Variants in PLCB4 observed in about 807,000 individuals in gnomAD.
PLCB4 encodes the protein phospholipase C beta 4.
A neutral mutation model predicts 178.8 loss-of-function variants in PLCB4; 77 were observed. That is an observed-to-expected ratio of 0.43 (90% CI 0.36 to 0.52). PLCB4 has a LOEUF of 0.52. PLCB4 is among the 20% of genes least tolerant of loss of function. The pLI is 0.00. For missense variants in PLCB4, 1,024 were observed against 1,453.4 expected (o/e 0.70, Z 4.80); for synonymous variants, 496 against 490.8 (o/e 1.01, Z -0.14).
At chr20:9,228,829 T>C (rs573292931) in intron 3 of PLCB4, among the ~76,000 whole-genome samples, 1 of 152,204 alleles carries the variant, frequency 6.6e-6, no homozygotes, top group African/African-American at 2.4e-5. Context: ...GCCATCTTCA[T>C]GGGTAGAGAA....
chr20:9,182,458 C>G (rs191967599), intron 2 of PLCB4, among the ~76,000 whole-genome samples: 1 of 152,256 alleles, frequency 6.6e-6, no homozygotes, highest in African/African-American at 2.4e-5. Flanking sequence ...GCTCAATCAT[C>G]GCTAGGCCTA....
At chr20:9,163,911 C>T (rs2146995420) in intron 2 of PLCB4, among the ~76,000 whole-genome samples, 1 of 152,154 alleles carries the variant, frequency 6.6e-6, no homozygotes, top group South Asian at 2.1e-4. Context: ...GATGAACCAC[C>T]TGCTTATTAG....
At position 9,360,464 on chromosome 20, in the gene PLCB4, G is replaced by A. The variant is rs73246643; in HGVS notation, c.370-2432G>A. On this transcript the variant is annotated intron_variant, in intron 7 of 39. Coordinates refer to ENST00000378473, the MANE Select transcript of PLCB4 (RefSeq NM_001377142.1). The stretch of plus-strand genomic sequence containing the variant: ...AGAAAAAGCCCAGTGAACAGTCTCA[G>A]AAATTGTCCACTTTTTTTTTTTTTG... Among the ~76,000 whole-genome samples the A allele has an allele frequency of 1.9e-3, 290 of 151,648 alleles. 1 individual carries two copies. The highest frequency in any genetic ancestry group is 6.7e-3 in the African/African-American group (279 of 41,362).
At chr20:9,434,449 C>G (rs1246079517) in intron 28 of PLCB4, among the ~76,000 whole-genome samples, 1 of 152,158 alleles carries the variant, frequency 6.6e-6, no homozygotes, top group Admixed American at 6.5e-5. Context: ...GATCTCTGCT[C>G]ACTGCAACCT....
At chr20:9,297,979 C>G (rs924361729) in intron 3 of PLCB4, among the ~76,000 whole-genome samples, 1 of 152,068 alleles carries the variant, frequency 6.6e-6, no homozygotes, top group Non-Finnish European at 1.5e-5. Context: ...ATTGCCAGGG[C>G]TCAGAACACA....
intron 4 of PLCB4, among the ~76,000 whole-genome samples, chr20:9,313,167 ATACT>A (rs1381985418): frequency 3.9e-5 from 6 of 152,350 alleles, no homozygotes; most frequent in South Asian, 2.1e-4. Context: ...ACACTAAAAG[ATACT>A]TACAGTCATC....
intron 5 of PLCB4, 77 bp downstream of exon 5, chr20:9,337,283 T>C: frequency 3.2e-6 from 3 of 950,616 alleles, no homozygotes; most frequent in Non-Finnish European, 5.2e-6. Context: ...GTAGACTGAG[T>C]GCTGTTGATG....
intron 3 of PLCB4, among the ~76,000 whole-genome samples, chr20:9,234,189 G>C (rs1377266143): frequency 6.6e-6 from 1 of 152,224 alleles, no homozygotes; most frequent in African/African-American, 2.4e-5. Context: ...TACTGAGATG[G>C]AAAAGACTAG....
chr20:9,321,080 A>G (rs1447217476), intron 4 of PLCB4, among the ~76,000 whole-genome samples: 1 of 152,228 alleles, frequency 6.6e-6, no homozygotes, highest in Non-Finnish European at 1.5e-5. Context: ...ACTGTTGAAT[A>G]AAAGAGACTT....
At chr20:9,217,839 G>A (rs760409475) in intron 3 of PLCB4, among the ~76,000 whole-genome samples, 5 of 152,154 alleles carry the variant, frequency 3.3e-5, no homozygotes, top group Admixed American at 1.3e-4. Flanking sequence ...TCCCACTGAT[G>A]TGAAAAATCA....
chr20:9,091,283 A>G (rs934412850), intron 1 of PLCB4, among the ~76,000 whole-genome samples: 30 of 152,092 alleles, frequency 2.0e-4, no homozygotes, highest in African/African-American at 6.5e-4. Context: ...AAAATGAGCT[A>G]GAGAAAGTCA....
chr20:9,444,044 A>G lies in PLCB4; in HGVS notation c.2814+14A>G. On this transcript the variant is annotated intron_variant, in intron 31 of 39. Coordinates refer to ENST00000378473, the MANE Select transcript of PLCB4 (RefSeq NM_001377142.1). The stretch of plus-strand genomic sequence containing the variant: ...AAGCAGATGAAGGTAAAATTGCTTG[A>G]CTATTTTGCAAGCACTCTTGTATTA... The G allele has an allele frequency of 1.9e-6, 3 of 1,585,218 alleles. No individual in the cohort carries two copies. Among genetic ancestry groups the G allele is most frequent in the Non-Finnish European group, 2.6e-6 (3 of 1,156,908 alleles).
At chr20:9,212,144 C>T (rs1380044133) in intron 2 of PLCB4, among the ~76,000 whole-genome samples, 2 of 152,196 alleles carry the variant, frequency 1.3e-5, no homozygotes, top group South Asian at 2.1e-4. Context: ...AGTGCTTGTG[C>T]TTTGGGGCCT....
intron 25 of PLCB4, among the ~76,000 whole-genome samples, chr20:9,413,897 G>T (rs1010065645): frequency 5.9e-5 from 9 of 152,000 alleles, no homozygotes; most frequent in Admixed American, 5.9e-4. Context: ...AATAGCTAGG[G>T]GTGCCCACCA....
chr20:9,122,076 G>A (rs369352087), intron 2 of PLCB4, among the ~76,000 whole-genome samples: 1 of 152,078 alleles, frequency 6.6e-6, no homozygotes, highest in Non-Finnish European at 1.5e-5. Context: ...GGATGGACTA[G>A]CTAGTTTAAT....
intron 1 of PLCB4, among the ~76,000 whole-genome samples, chr20:9,078,979 A>G (rs2146503956): frequency 6.6e-6 from 1 of 152,284 alleles, no homozygotes; most frequent in East Asian, 1.9e-4. Context: ...TGGCAGTGAC[A>G]TTCAGATTCT....
intron 2 of PLCB4, among the ~76,000 whole-genome samples, chr20:9,125,996 G>A (rs1039177047): frequency 6.6e-6 from 1 of 151,982 alleles, no homozygotes. Flanking sequence ...CCAGAAAAGG[G>A]GACAAATTTG....
At chr20:9,302,540 A>G (rs747561382) in intron 3 of PLCB4, among the ~76,000 whole-genome samples, 19 of 152,174 alleles carry the variant, frequency 1.2e-4, no homozygotes, top group African/African-American at 3.6e-4. Flanking sequence ...GGGAACACTC[A>G]GGATACTCCA....
At chr20:9,395,833 G>A (rs1476473163) in intron 19 of PLCB4, among the ~76,000 whole-genome samples, 1 of 152,030 alleles carries the variant, frequency 6.6e-6, no homozygotes, top group African/African-American at 2.4e-5. Context: ...TTAGCCAGAC[G>A]TGGTGGCCTG....
Sources: gnomAD v4.1 joint callset for allele counts (sites outside exome capture counted in the v4.1 genomes callset) on GRCh38, gnomAD v4.1.1 for gene constraint, MANE v1.5 for transcripts, NCBI Gene and HGNC (gene_info 2026-07-23, HGNC 2026-07-21) for gene names.